ARNT2: variants seen among roughly 807,000 people sequenced by gnomAD.
The protein encoded by ARNT2 is aryl hydrocarbon receptor nuclear translocator 2, also known as ARNT protein 2.
Under a neutral mutation model 91.7 loss-of-function variants are expected in ARNT2, and 36 were observed. The observed-to-expected ratio is 0.39, with a 90% confidence interval of 0.30 to 0.52. ARNT2 has a LOEUF of 0.52. Among genes scored for constraint, ARNT2 ranks in the 20% least tolerant of loss-of-function variants. The probability of loss-of-function intolerance (pLI) is 0.72; values close to 1 mark genes in which losing one functional copy is unlikely to be tolerated. For synonymous variants in ARNT2, 365 were observed against 347.1 expected (o/e 1.05, Z -0.57); for missense variants, 775 against 939.3 (o/e 0.83, Z 2.29).
At chr15:80,503,572 A>G (rs955294774) in intron 5 of ARNT2, among the ~76,000 whole-genome samples, 3 of 152,244 alleles carry the variant, frequency 2.0e-5, no homozygotes, top group African/African-American at 4.8e-5. Context: ...GGAATCTGCC[A>G]GACCCTCATG....
At chr15:80,513,826 A>T in intron 6 of ARNT2, 85 bp from the exon 7 acceptor site, 1 of 1,156,792 alleles carries the variant, frequency 8.6e-7, no homozygotes, top group Non-Finnish European at 1.3e-6. Flanking sequence ...GCATCAATTA[A>T]GGCTCATCTA....
chr15:80,476,894 C>T (rs1217303256), intron 5 of ARNT2, among the ~76,000 whole-genome samples: 1 of 152,078 alleles, frequency 6.6e-6, no homozygotes, highest in Non-Finnish European at 1.5e-5. Flanking sequence ...TTGTAATTCC[C>T]AATGTTGGGG....
chr15:80,425,308 T>G (rs995706530), intron 1 of ARNT2, among the ~76,000 whole-genome samples: 1 of 152,182 alleles, frequency 6.6e-6, no homozygotes, highest in Non-Finnish European at 1.5e-5. Flanking sequence ...TGGTGGTCAT[T>G]TTTTGTTTTT....
intron 4 of ARNT2, among the ~76,000 whole-genome samples, chr15:80,474,689 G>A (rs898299170): frequency 1.3e-5 from 2 of 152,072 alleles, no homozygotes; most frequent in African/African-American, 4.8e-5. Flanking sequence ...TGGCAAAGCT[G>A]TTCACGCCTC....
intron 8 of ARNT2, among the ~76,000 whole-genome samples, chr15:80,518,030 T>G (rs1897469278): frequency 6.6e-6 from 1 of 152,160 alleles, no homozygotes; most frequent in African/African-American, 2.4e-5. Context: ...AAACTATGTT[T>G]TTTTTCTAGC....
At chr15:80,516,812 A>C (rs1462680367) in intron 8 of ARNT2, among the ~76,000 whole-genome samples, 3 of 75,764 alleles carry the variant, frequency 4.0e-5, no homozygotes, top group African/African-American at 1.4e-4. Context: ...ATTTACAATT[A>C]TTATATACAA....
At chr15:80,579,291 G>A (rs1336741584) in intron 15 of ARNT2, among the ~76,000 whole-genome samples, 1 of 152,192 alleles carries the variant, frequency 6.6e-6, no homozygotes. Context: ...GAATGGGAAA[G>A]GAGCCCTTAT....
intron 8 of ARNT2, among the ~76,000 whole-genome samples, chr15:80,519,684 CTTT>C (rs1172255165): frequency 3.3e-5 from 4 of 121,252 alleles, no homozygotes; most frequent in Admixed American, 8.4e-5. Flanking sequence ...AGGTATGTAG[CTTT>C]TTTTTTTTTT....
chr15:80,508,665 C>T (rs767927286), intron 6 of ARNT2, among the ~76,000 whole-genome samples: 1 of 152,174 alleles, frequency 6.6e-6, no homozygotes, highest in Non-Finnish European at 1.5e-5. Flanking sequence ...TTTACTTGGT[C>T]TCTATGATAT....
At chr15:80,562,785 T>G (rs1596015811) in intron 11 of ARNT2, 4 of 357,284 alleles carry the variant, frequency 1.1e-5, no homozygotes, top group East Asian at 5.6e-5. Context: ...GCTTGCAGAG[T>G]TTTCATGATC....
intron 17 of ARNT2, among the ~76,000 whole-genome samples, chr15:80,589,035 G>C (rs1207211328): frequency 2.0e-5 from 3 of 152,170 alleles, no homozygotes; most frequent in Non-Finnish European, 1.5e-5. Flanking sequence ...GATTAGAAGA[G>C]GTTATTTCCT....
chr15:80,510,553 G>A (rs546803380), intron 6 of ARNT2, among the ~76,000 whole-genome samples: 13 of 152,188 alleles, frequency 8.5e-5, no homozygotes, highest in South Asian at 2.1e-4. Context: ...AAAAAGGGCC[G>A]GGTGAGGTGG....
intron 4 of ARNT2, among the ~76,000 whole-genome samples, chr15:80,471,964 A>G (rs764139161): frequency 1.3e-5 from 2 of 151,894 alleles, no homozygotes; most frequent in Non-Finnish European, 2.9e-5. Flanking sequence ...TGTGCTGGTC[A>G]TAGGGCAAGT....
intron 5 of ARNT2, among the ~76,000 whole-genome samples, chr15:80,489,622 T>C (rs1182644135): frequency 6.6e-6 from 1 of 152,222 alleles, no homozygotes; most frequent in Non-Finnish European, 1.5e-5. Flanking sequence ...GCCTGTGAAG[T>C]GGCCACTGGC....
chr15:80,513,849 A>C (rs2141428111), intron 6 of ARNT2, 62 bp from the exon 7 acceptor site: 1 of 1,386,376 alleles, frequency 7.2e-7, no homozygotes, highest in African/African-American at 1.4e-5. Flanking sequence ...TGATGGCAGC[A>C]CCATATATTG....
At chr15:80,471,509 C>G (rs1227630388) in intron 4 of ARNT2, among the ~76,000 whole-genome samples, 1 of 152,080 alleles carries the variant, frequency 6.6e-6, no homozygotes. Flanking sequence ...CAGTACGTAA[C>G]AAACCTGCAT....
chr15:80,567,532 G>T (rs942946083), intron 12 of ARNT2, among the ~76,000 whole-genome samples: 8 of 152,156 alleles, frequency 5.3e-5, no homozygotes, highest in Non-Finnish European at 7.3e-5. Flanking sequence ...GCAGGGCCTC[G>T]GAGAAAGCAT....
chr15:80,426,250 GTGA>G (rs373749592), intron 1 of ARNT2, among the ~76,000 whole-genome samples: 16 of 152,330 alleles, frequency 1.1e-4, no homozygotes, highest in African/African-American at 3.6e-4. Flanking sequence ...AGAGAGAAAT[GTGA>G]TTGGTTGCCT....
chr15:80,495,163 A>C (rs552697281), intron 5 of ARNT2, among the ~76,000 whole-genome samples: 1 of 152,182 alleles, frequency 6.6e-6, no homozygotes, highest in African/African-American at 2.4e-5. Context: ...CCCAGCCGCC[A>C]TCTTCCTTGC....
Sources: gnomAD v4.1 joint callset for allele counts (sites outside exome capture counted in the v4.1 genomes callset) on GRCh38, gnomAD v4.1.1 for gene constraint, MANE v1.5 for transcripts, NCBI Gene and HGNC (gene_info 2026-07-23, HGNC 2026-07-21) for gene names.